Variants in ASNS observed in about 807,000 individuals in gnomAD.
ASNS encodes asparagine synthetase [glutamine-hydrolyzing].
In ASNS, 37 loss-of-function variants were observed where a neutral mutation model predicts 62.6. That is an observed-to-expected ratio of 0.59 (90% CI 0.45 to 0.78). ASNS has a LOEUF of 0.78. ASNS is among the 30% of genes least tolerant of loss of function. The pLI is 0.00. For synonymous variants in ASNS, 207 were observed against 237.9 expected (o/e 0.87, Z 1.19); for missense variants, 520 against 682.4 (o/e 0.76, Z 2.65).
the ASNS span, among the ~76,000 whole-genome samples, chr7:97,925,131 C>T: frequency 6.6e-6 from 1 of 152,114 alleles, no homozygotes; most frequent in South Asian, 2.1e-4. Context: ...AGTAAGACTC[C>T]ATCTTTAAAA....
chr7:97,889,420 G>A, the ASNS span, among the ~76,000 whole-genome samples: 2 of 152,194 alleles, frequency 1.3e-5, no homozygotes, highest in Non-Finnish European at 2.9e-5. Context: ...AGGAGGCTGA[G>A]GCAGGAGAAT....
chr7:97,867,155 G>GT (rs199946156), intron 3 of ASNS, among the ~76,000 whole-genome samples: 1 of 236 alleles, frequency 4.2e-3, no homozygotes, highest in Non-Finnish European at 8.8e-3. Flanking sequence ...CTTGGCTGCA[G>GT]GCCCTGATAC....
chr7:97,896,057 C>T, the ASNS span, among the ~76,000 whole-genome samples: 1 of 150,806 alleles, frequency 6.6e-6, no homozygotes, highest in African/African-American at 2.4e-5. Context: ...TTGAGAAGGA[C>T]ACAAACAAAT....
At chr7:97,904,551 G>A in the ASNS span, among the ~76,000 whole-genome samples, 13 of 152,076 alleles carry the variant, frequency 8.5e-5, no homozygotes, top group Non-Finnish European at 1.8e-4. Flanking sequence ...GGAGAAGAAT[G>A]CTAGAGAGTC....
the ASNS span, among the ~76,000 whole-genome samples, chr7:97,890,797 C>T: frequency 6.6e-6 from 1 of 151,986 alleles, no homozygotes; most frequent in African/African-American, 2.4e-5. Context: ...CCCAGATAAG[C>T]AAAAGACTGT....
chr7:97,883,617 C>T, the ASNS span, among the ~76,000 whole-genome samples: 1 of 152,170 alleles, frequency 6.6e-6, no homozygotes, highest in Admixed American at 6.5e-5. Context: ...TCACAGGGAC[C>T]AAAGCGATCA....
chr7:97,900,166 C>T, the ASNS span, among the ~76,000 whole-genome samples: 1 of 151,944 alleles, frequency 6.6e-6, no homozygotes, highest in Non-Finnish European at 1.5e-5. Context: ...GTGAGACCAG[C>T]CTGGCCAACA....
chr7:97,922,843 G>GTGCA, the ASNS span, among the ~76,000 whole-genome samples: 1 of 152,168 alleles, frequency 6.6e-6, no homozygotes, highest in African/African-American at 2.4e-5. Context: ...GGTGGCTGAA[G>GTGCA]TGCAGTGGTG....
the ASNS span, among the ~76,000 whole-genome samples, chr7:97,894,758 A>G: frequency 2.4e-3 from 372 of 152,294 alleles, no homozygotes; most frequent in African/African-American, 8.5e-3. Context: ...GAAAAGCCCT[A>G]GACTAGGCTT....
At chr7:97,884,096 CAG>C in the ASNS span, among the ~76,000 whole-genome samples, 1 of 152,026 alleles carries the variant, frequency 6.6e-6, no homozygotes, top group Non-Finnish European at 1.5e-5. Context: ...AGCTGGGACA[CAG>C]AGTAGTTAGG....
chr7:97,888,913 T>C, the ASNS span, among the ~76,000 whole-genome samples: 2 of 152,130 alleles, frequency 1.3e-5, no homozygotes, highest in African/African-American at 4.8e-5. Context: ...CCTGAGGAAA[T>C]GCCTGCCTAC....
chr7:97,891,503 T>C, the ASNS span, among the ~76,000 whole-genome samples: 1 of 152,160 alleles, frequency 6.6e-6, no homozygotes, highest in South Asian at 2.1e-4. Flanking sequence ...GTCCAAAGTC[T>C]CATGTGAGAC....
At position 97,868,970 on chromosome 7, in the gene ASNS, G is replaced by C; in HGVS notation, c.187C>G (p.Arg63Gly). ...CACAAATACGGATATTTCTTCACTCGAATTGGCTGCATTCCAAACAGCGGG... is the reference window on the plus strand; with the variant it reads ...CACAAATACGGATATTTCTTCACTCCAATTGGCTGCATTCCAAACAGCGGG... ...VDPLFGMQPI[R>G]VKKYPYLWLC... Residue 63 changes from arginine to glycine, a missense_variant, in exon 3 of 13, where the codon CGA (arginine) becomes GGA (glycine). Transcript: ENST00000394308. 6.2e-7 allele frequency: 1 copy of C among 1,614,160 alleles called. No individual in the cohort carries two copies. Among genetic ancestry groups the C allele is most frequent in the Non-Finnish European group, 8.5e-7 (1 of 1,180,036 alleles).
the ASNS span, among the ~76,000 whole-genome samples, chr7:97,914,323 G>A: frequency 6.6e-6 from 1 of 152,144 alleles, no homozygotes; most frequent in African/African-American, 2.4e-5. Context: ...GGGTGGGCAA[G>A]GGGGCTTGCC....
chr7:97,857,616 TA>T (rs566620938), intron 7 of ASNS, among the ~76,000 whole-genome samples: 16,041 of 116,092 alleles, frequency 0.14, 1,053 homozygotes, highest in Admixed American at 0.25. Flanking sequence ...CCTTTACGTT[TA>T]AAAAAAAAAA....
At chr7:97,883,532 A>AC in the ASNS span, among the ~76,000 whole-genome samples, 1 of 151,922 alleles carries the variant, frequency 6.6e-6, no homozygotes, top group African/African-American at 2.4e-5. Context: ...AGCCACCATC[A>AC]CCTCCAGCTG....
intron 4 of ASNS, among the ~76,000 whole-genome samples, chr7:97,861,450 C>T (rs1269599702): frequency 6.6e-6 from 1 of 152,082 alleles, no homozygotes; most frequent in East Asian, 1.9e-4. Context: ...ATCTTGGCAC[C>T]CTTGTCAAAA....
the ASNS span, among the ~76,000 whole-genome samples, chr7:97,921,277 G>C: frequency 3.5e-3 from 527 of 152,234 alleles, 4 homozygotes; most frequent in African/African-American, 0.012. Flanking sequence ...TAAGACTGTC[G>C]GGGTACAAAG....
At chr7:97,858,438 G>A (rs1388851928) in intron 6 of ASNS, 33 bp from the exon 7 acceptor site, 3 of 1,613,264 alleles carry the variant, frequency 1.9e-6, no homozygotes, top group Non-Finnish European at 2.5e-6. Context: ...AAGTGTCCTA[G>A]TTATGTGCCT....
Sources: allele counts gnomAD v4.1 joint callset (sites outside exome capture counted in the v4.1 genomes callset), GRCh38; gene constraint gnomAD v4.1.1; transcripts MANE v1.5; gene names NCBI Gene and HGNC (gene_info 2026-07-23, HGNC 2026-07-21).